The following PLK1 variants were observed in gnomAD, a reference collection of about 807,000 sequenced individuals.
The protein encoded by PLK1 is polo like kinase 1, also known as serine/threonine-protein kinase PLK1.
A neutral mutation model predicts 56.7 loss-of-function variants in PLK1; 6 were observed. That is an observed-to-expected ratio of 0.11 (90% CI 0.06 to 0.21). The LOEUF is 0.21. Among genes scored for constraint, PLK1 ranks in the 10% least tolerant of loss-of-function variants. The pLI, the probability that PLK1 is intolerant of heterozygous loss-of-function variation, is 1.00. For synonymous variants in PLK1, 298 were observed against 325.0 expected, an observed-to-expected ratio of 0.92 and a Z score of 0.89; for missense variants, 546 against 814.4, an observed-to-expected ratio of 0.67 and a Z score of 4.01.
Position 23,678,897 on chromosome 16 carries a change from T to G in PLK1, c.-36T>G, listed in dbSNP as rs760024095. On this transcript the variant is annotated 5_prime_UTR_variant, in exon 1 of 10. Coordinates refer to ENST00000300093, the MANE Select transcript of PLK1 (RefSeq NM_005030.6). Reference sequence around the variant, plus strand: ...GAGGAGCGGAGCGGTGCGGAGGCTCTGCTCGGATCGAGGTCTGCAGCGCAG... The same window carrying G: ...GAGGAGCGGAGCGGTGCGGAGGCTCGGCTCGGATCGAGGTCTGCAGCGCAG... 1.1e-4 allele frequency: 167 copies of G among 1,454,370 alleles called. No individual in the cohort carries two copies. Among genetic ancestry groups the G allele is most frequent in the Non-Finnish European group, 1.5e-4 (161 of 1,100,564 alleles). The allele number at this position is 1,454,370 out of a possible 1,614,324, so 90.1% of individuals were successfully genotyped here.
At chr16:23,683,569 T>C (rs1019662125) in intron 4 of PLK1, among the ~76,000 whole-genome samples, 2 of 152,042 alleles carry the variant, frequency 1.3e-5, no homozygotes, top group Non-Finnish European at 2.9e-5. Flanking sequence ...ACCCCTTAGA[T>C]GAGTTGGTGA....
intron 1 of PLK1, chr16:23,679,565 A>T: frequency 3.8e-6 from 2 of 525,280 alleles, no homozygotes; most frequent in Non-Finnish European, 6.7e-6. Flanking sequence ...AGTCTGAGTC[A>T]TGTTGCTGAT....
intron 4 of PLK1, among the ~76,000 whole-genome samples, chr16:23,682,920 T>G (rs1959358049): frequency 6.6e-6 from 1 of 151,514 alleles, no homozygotes; most frequent in African/African-American, 2.4e-5. Context: ...ATGTGGTGAG[T>G]GCTCTCAGAA....
At position 23,678,906 on chromosome 16, in the gene PLK1, C is replaced by A; in HGVS notation, c.-27C>A. 6.8e-7 allele frequency: 1 copy of A among 1,471,822 alleles called. No individual in the cohort carries two copies. Among genetic ancestry groups the A allele is most frequent in the Non-Finnish European group, 9.0e-7 (1 of 1,109,886 alleles). 91.2% of individuals were successfully genotyped at this position (1,471,822 alleles called of 1,614,324 possible). A position where few individuals can be genotyped will look rare whatever the true frequency, so the allele number is the denominator to read the frequency against. On this transcript the variant is annotated 5_prime_UTR_variant, in exon 1 of 10. Coordinates refer to ENST00000300093, the MANE Select transcript of PLK1 (RefSeq NM_005030.6). ...AGCGGTGCGGAGGCTCTGCTCGGAT[C>A]GAGGTCTGCAGCGCAGCTTCGGGAG...
chr16:23,690,177 T>C lies in PLK1; in HGVS notation c.*114T>C. 1.3e-6 allele frequency: 1 copy of C among 780,698 alleles called. No individual in the cohort carries two copies. Among genetic ancestry groups the C allele is most frequent in the Non-Finnish European group, 2.2e-6 (1 of 453,218 alleles). The allele number at this position is 780,698 out of a possible 1,614,324, so 48.4% of individuals were successfully genotyped here. ...CAGTGTGCCCCCCAGCCCCGGTGGC[T>C]GGGCAGAGCTGCATCATCCTTGCAG... On this transcript the variant is annotated 3_prime_UTR_variant, in exon 10 of 10. Transcript: ENST00000300093.
intron 4 of PLK1, among the ~76,000 whole-genome samples, 199 bp downstream of exon 4, chr16:23,682,356 T>A (rs1319409568): frequency 2.6e-5 from 4 of 151,504 alleles, no homozygotes; most frequent in African/African-American, 9.7e-5. Context: ...GGGGAGAGAG[T>A]TGGCAGATTC....
Position 23,689,506 on chromosome 16 carries a change from A to G in PLK1, c.1438A>G (p.Lys480Glu). The change falls in exon 9 of 10, where the codon AAA becomes GAA. Residue 480 changes from lysine (K) to glutamate (E), a missense_variant. This residue lies in a region of PLK1 where 113 missense variants were observed against 202.0 expected (regional missense o/e 0.56). Coordinates refer to ENST00000300093, the MANE Select transcript of PLK1 (RefSeq NM_005030.6). The surrounding 1 kb of genome is among the most constrained non-coding windows in gnomAD (Gnocchi z 4.8). The part of the protein sequence containing the change: ...NSLMKKITLL[K>E]YFRNYMSEHL... ...ACTTTTCATCCAGATCACCCTCCTT[A>G]AATATTTCCGCAATTACATGAGCGA... 6.2e-7 allele frequency: 1 copy of G among 1,610,742 alleles called. No individual in the cohort carries two copies. The highest frequency in any genetic ancestry group is 1.1e-5 in the South Asian group (1 of 91,012).
chr16:23,679,193 T>C lies in PLK1; in HGVS notation c.261T>C (p.Ser87=). ...TCGCGGGCAAGATTGTGCCTAAGTC[T>C]CTGCTGCTCAAGCCGCACCAGAGGG... ...EVFAGKIVPK[S]LLLKPHQREK... is the part of the protein sequence containing the mutation. The change falls in exon 1 of 10, where the codon TCT becomes TCC. Residue 87 remains serine (S), a synonymous_variant. Transcript: ENST00000300093. 1.2e-6 allele frequency: 2 copies of C among 1,614,030 alleles called. No homozygotes were observed. The highest frequency in any genetic ancestry group is 1.7e-6 in the Non-Finnish European group (2 of 1,180,002).
rs1315465388 is a variant in PLK1 at position 23,679,012 on chromosome 16, C to T, written c.80C>T (p.Ala27Val). The T allele has an allele frequency of 3.1e-6, 5 of 1,607,432 alleles. No homozygotes were observed. Among genetic ancestry groups the T allele is most frequent in the Non-Finnish European group, 3.4e-6 (4 of 1,177,390 alleles). The change falls in exon 1 of 10, where the codon GCT becomes GTT. Residue 27 changes from alanine (A) to valine (V), a missense_variant. Coordinates refer to ENST00000300093, the MANE Select transcript of PLK1 (RefSeq NM_005030.6). Reference protein sequence around the residue: ...PGKAGVPGVAAPGAPAAAPPA... With the variant: ...PGKAGVPGVAVPGAPAAAPPA... ...AAAGCCGGGGTCCCCGGAGTTGCAG[C>T]TCCCGGAGCTCCGGCGGCGGCTCCA...
chr16:23,684,221 G>T (rs1959388696), intron 5 of PLK1, 132 bp downstream of exon 5: 2 of 673,456 alleles, frequency 3.0e-6, no homozygotes, highest in Non-Finnish European at 5.2e-6. Flanking sequence ...TCAATCCGTG[G>T]TTCCAATGCC....
At chr16:23,681,655 C>T (rs1959333205) in intron 3 of PLK1, among the ~76,000 whole-genome samples, 1 of 152,186 alleles carries the variant, frequency 6.6e-6, no homozygotes, top group African/African-American at 2.4e-5. Flanking sequence ...CAATGGCTTT[C>T]ATACGTCTTT....
rs1959307237 is a variant in PLK1 at position 23,680,069 on chromosome 16, C to T, written c.409-15C>T. 6.2e-7 allele frequency: 1 copy of T among 1,608,862 alleles called. No individual in the cohort carries two copies. ...CACCTCCCCATCCCTCCTGCCCTCTCCTTCCCACCCACAGTCTCTCCTGGA... is the reference window on the plus strand; with the variant it reads ...CACCTCCCCATCCCTCCTGCCCTCTTCTTCCCACCCACAGTCTCTCCTGGA... On this transcript the variant is annotated splice_polypyrimidine_tract_variant and intron_variant, in intron 1 of 9. Coordinates refer to ENST00000300093, the MANE Select transcript of PLK1 (RefSeq NM_005030.6).
At chr16:23,686,266 A>T (rs1294799654) in intron 5 of PLK1, among the ~76,000 whole-genome samples, 1 of 152,136 alleles carries the variant, frequency 6.6e-6, no homozygotes, top group African/African-American at 2.4e-5. Flanking sequence ...CCTGAGCTCA[A>T]GTGATCCTCC....
At position 23,679,208 on chromosome 16, in the gene PLK1, G is replaced by A. The variant is rs769011289; in HGVS notation, c.276G>A (p.Pro92=). Residue 92 remains proline, a synonymous_variant, in exon 1 of 10, where the codon CCG becomes CCA. Coordinates refer to ENST00000300093, the MANE Select transcript of PLK1 (RefSeq NM_005030.6). ...KIVPKSLLLK[P]HQREKMSMEI... is the part of the protein sequence containing the mutation. ...TGCCTAAGTCTCTGCTGCTCAAGCC[G>A]CACCAGAGGGAGAAGATGTCCATGG... 4 of 1,614,020 alleles carry A rather than the reference G, an allele frequency of 2.5e-6. No homozygotes were observed. In the African/African-American group the frequency reaches 4.0e-5, roughly 16 times the overall value.
chr16:23,688,875 C>T (rs1959478658), intron 7 of PLK1, 130 bp downstream of exon 7: 3 of 710,512 alleles, frequency 4.2e-6, no homozygotes, highest in African/African-American at 3.5e-5. Context: ...CCCAGGCCTC[C>T]CAGTTCCAGC....
chr16:23,687,714 T>A, intron 6 of PLK1, 90 bp downstream of exon 6: 1 of 958,270 alleles, frequency 1.0e-6, no homozygotes, highest in Non-Finnish European at 1.5e-6. Flanking sequence ...CACTGGTGAC[T>A]TGTTCAGGCC....
intron 2 of PLK1, 147 bp downstream of exon 2, chr16:23,680,399 T>C (rs1401033388): frequency 3.2e-6 from 2 of 627,252 alleles, no homozygotes; most frequent in Non-Finnish European, 5.5e-6. Context: ...CAATATTTTT[T>C]TTTTACAAAG....
At chr16:23,687,397 T>C (rs1345637703) in intron 5 of PLK1, 72 bp from the exon 6 acceptor site, 11 of 1,291,684 alleles carry the variant, frequency 8.5e-6, no homozygotes, top group East Asian at 2.6e-5. Flanking sequence ...AATTTTTCTT[T>C]CGGAAGAGTT....
rs1358684596 is a variant in PLK1, at chr16:23,679,034, T to C, written c.102T>C (p.Ala34=). Residue 34 remains alanine, a synonymous_variant, in exon 1 of 10, where the codon GCT becomes GCC. Coordinates refer to ENST00000300093, the MANE Select transcript of PLK1 (RefSeq NM_005030.6). ...GVAAPGAPAA[A]PPAKEIPEVL... ...CAGCTCCCGGAGCTCCGGCGGCGGC[T>C]CCACCGGCGAAAGAGATCCCGGAGG... is the stretch of plus-strand genomic sequence containing the variant. 1.2e-6 allele frequency: 2 copies of C among 1,608,244 alleles called. No individual in the cohort carries two copies. The highest frequency in any genetic ancestry group is 2.2e-5 in the South Asian group (2 of 90,840).
Sources: allele counts gnomAD v4.1 joint callset (sites outside exome capture counted in the v4.1 genomes callset), GRCh38; gene constraint gnomAD v4.1.1; regional missense constraint gnomAD v4.1.1; non-coding constraint Gnocchi (gnomAD v3.1); transcripts MANE v1.5; gene names NCBI Gene and HGNC (gene_info 2026-07-23, HGNC 2026-07-21).